Variants in IMMP2L observed in about 807,000 individuals in gnomAD.
IMMP2L encodes the protein mitochondrial inner membrane protease subunit 2.
In IMMP2L, 18 loss-of-function variants were observed where a neutral mutation model predicts 19.3. The ratio of observed to expected loss-of-function variants is 0.93; its 90% CI spans 0.64 to 1.38. IMMP2L has a LOEUF of 1.38. Among genes scored for constraint, IMMP2L ranks in the 40% most tolerant of loss-of-function variants. IMMP2L has a pLI of 0.00. For synonymous variants in IMMP2L, 76 were observed against 73.0 expected (o/e 1.04, Z -0.21); for missense variants, 233 against 218.2 (o/e 1.07, Z -0.43).
At chr7:110,717,350 A>G (rs1795295335) in intron 5 of IMMP2L, among the ~76,000 whole-genome samples, 1 of 152,206 alleles carries the variant, frequency 6.6e-6, no homozygotes, top group Admixed American at 6.5e-5. Context: ...CTGTAGTCCC[A>G]GCTACTTGGG....
chr7:111,037,834 A>T (rs566541370), intron 3 of IMMP2L, among the ~76,000 whole-genome samples: 1 of 152,340 alleles, frequency 6.6e-6, no homozygotes, highest in East Asian at 1.9e-4. Context: ...AACTATGTGC[A>T]GAAAATAGCA....
At chr7:110,777,192 T>G (rs566729090) in intron 5 of IMMP2L, among the ~76,000 whole-genome samples, 6 of 152,118 alleles carry the variant, frequency 3.9e-5, no homozygotes, top group East Asian at 1.9e-4. Context: ...TTCTTAAGAC[T>G]GCATTCTTGT....
rs181378340 is a variant in IMMP2L, at chr7:110,732,157, C to G, written c.409-68436G>C. On this transcript the variant is annotated intron_variant, in intron 5 of 5. Coordinates refer to ENST00000405709, the MANE Select transcript of IMMP2L (RefSeq NM_032549.4). Reference sequence around the variant, plus strand: ...TGGAGAGCATGAAGAATTCAGTATCCTGGGGAAGGGGGTAGTGGGTAGAGA... The same window carrying G: ...TGGAGAGCATGAAGAATTCAGTATCGTGGGGAAGGGGGTAGTGGGTAGAGA... Among the ~76,000 whole-genome samples the G allele has an allele frequency of 1.8e-3, 272 of 152,158 alleles. 1 individual carries two copies. The highest frequency in any genetic ancestry group is 4.6e-3 in the African/African-American group (189 of 41,518).
At chr7:111,497,064 T>A (rs1843663659) in intron 2 of IMMP2L, among the ~76,000 whole-genome samples, 1 of 152,188 alleles carries the variant, frequency 6.6e-6, no homozygotes, top group Non-Finnish European at 1.5e-5. Context: ...AACATATTGA[T>A]TTAATTCAGA....
At chr7:111,183,086 T>C (rs1032185204) in intron 3 of IMMP2L, among the ~76,000 whole-genome samples, 1 of 152,120 alleles carries the variant, frequency 6.6e-6, no homozygotes, top group South Asian at 2.1e-4. Context: ...TAAATGTTTA[T>C]TTTGTGATTG....
At chr7:111,281,056 C>T (rs529128929) in intron 3 of IMMP2L, among the ~76,000 whole-genome samples, 70 of 143,436 alleles carry the variant, frequency 4.9e-4, no homozygotes, top group African/African-American at 1.6e-3. Flanking sequence ...GGCAACAGAG[C>T]GAGACTCTGA....
intron 3 of IMMP2L, among the ~76,000 whole-genome samples, chr7:111,286,477 T>A (rs1820497394): frequency 6.6e-6 from 1 of 152,060 alleles, no homozygotes; most frequent in Non-Finnish European, 1.5e-5. Flanking sequence ...GGGCCAAAAC[T>A]CTACGATGAT....
intron 3 of IMMP2L, among the ~76,000 whole-genome samples, chr7:111,217,077 A>G (rs1811999673): frequency 7.4e-6 from 1 of 135,896 alleles, no homozygotes; most frequent in African/African-American, 2.8e-5. Context: ...TCATCTTCTG[A>G]TCTCTCTCTC....
At chr7:111,090,865 T>G (rs1318582139) in intron 3 of IMMP2L, 2 of 152,086 alleles carry the variant, frequency 1.3e-5, no homozygotes, top group Non-Finnish European at 2.9e-5. Context: ...ACTGATAACC[T>G]AAAATTGAGA....
intron 3 of IMMP2L, among the ~76,000 whole-genome samples, chr7:111,486,670 CTT>C (rs1842680672): frequency 6.6e-6 from 1 of 152,156 alleles, no homozygotes; most frequent in Non-Finnish European, 1.5e-5. Context: ...GTTATACACA[CTT>C]TGACATTCCT....
At chr7:111,000,963 G>A (rs989451215) in intron 3 of IMMP2L, among the ~76,000 whole-genome samples, 7 of 152,200 alleles carry the variant, frequency 4.6e-5, no homozygotes, top group African/African-American at 7.2e-5. Flanking sequence ...TAATAAAAGA[G>A]CTAGAAAAGC....
intron 3 of IMMP2L, among the ~76,000 whole-genome samples, chr7:111,039,656 A>G (rs927835499): frequency 1.3e-5 from 2 of 152,186 alleles, no homozygotes; most frequent in Non-Finnish European, 2.9e-5. Flanking sequence ...TGGTTTTTTT[A>G]AAAACCATCA....
intron 3 of IMMP2L, among the ~76,000 whole-genome samples, chr7:111,405,484 A>C (rs1240605501): frequency 6.6e-6 from 1 of 152,198 alleles, no homozygotes; most frequent in Admixed American, 6.5e-5. Flanking sequence ...ATTGTAATAC[A>C]CATAAATTCT....
intron 3 of IMMP2L, among the ~76,000 whole-genome samples, chr7:111,079,378 A>G (rs916344883): frequency 6.6e-6 from 1 of 152,096 alleles, no homozygotes; most frequent in Non-Finnish European, 1.5e-5. Flanking sequence ...CGGCCTCCCA[A>G]AGTGCTGGGA....
intron 5 of IMMP2L, among the ~76,000 whole-genome samples, chr7:110,816,140 T>C (rs1455591655): frequency 1.3e-5 from 2 of 152,170 alleles, no homozygotes; most frequent in African/African-American, 4.8e-5. Context: ...GCTTTGAATG[T>C]GTCCCAGAGA....
At chr7:111,523,781 A>C (rs958574845) in intron 1 of IMMP2L, among the ~76,000 whole-genome samples, 7 of 152,096 alleles carry the variant, frequency 4.6e-5, no homozygotes, top group Non-Finnish European at 1.0e-4. Flanking sequence ...GTACTCAAGA[A>C]ACGTGTTTGG....
intron 3 of IMMP2L, among the ~76,000 whole-genome samples, chr7:111,180,181 A>G (rs1361067315): frequency 6.6e-6 from 1 of 152,106 alleles, no homozygotes; most frequent in East Asian, 1.9e-4. Context: ...TAACTGGTAC[A>G]AGAGGCCTAG....
intron 3 of IMMP2L, among the ~76,000 whole-genome samples, chr7:111,217,126 T>TCACACA (rs1315821493): frequency 1.0e-4 from 13 of 124,070 alleles, no homozygotes; most frequent in African/African-American, 3.8e-4. Flanking sequence ...TCTCTCTCTC[T>TCACACA]CACACACACA....
chr7:110,807,407 T>C (rs1801709906), intron 5 of IMMP2L, among the ~76,000 whole-genome samples: 1 of 152,012 alleles, frequency 6.6e-6, no homozygotes, highest in Admixed American at 6.6e-5. Flanking sequence ...GAAATCTCAT[T>C]GTGCTTGTAT....
Sources: gnomAD v4.1 joint callset for allele counts (sites outside exome capture counted in the v4.1 genomes callset) on GRCh38, gnomAD v4.1.1 for gene constraint, MANE v1.5 for transcripts, NCBI Gene and HGNC (gene_info 2026-07-23, HGNC 2026-07-21) for gene names.